CKAP2: variants seen among roughly 807,000 people sequenced by gnomAD.
The protein encoded by CKAP2 is cytoskeleton associated protein 2.
In CKAP2, 46 loss-of-function variants were observed where a neutral mutation model predicts 58.4. The ratio of observed to expected loss-of-function variants is 0.79; its 90% CI spans 0.62 to 1.01. The LOEUF is 1.01. CKAP2 is among the 50% of genes least tolerant of loss of function. The probability of loss-of-function intolerance (pLI) is 0.00; values close to 1 mark genes in which losing one functional copy is unlikely to be tolerated. For synonymous variants in CKAP2, 293 were observed against 280.9 expected, an observed-to-expected ratio of 1.04 and a Z score of -0.43; for missense variants, 809 against 796.4, an observed-to-expected ratio of 1.02 and a Z score of -0.19.
chr13:52,459,318 ATTTTG>A (rs745420947), intron 2 of CKAP2, among the ~76,000 whole-genome samples: 3 of 151,796 alleles, frequency 2.0e-5, no homozygotes, highest in South Asian at 2.1e-4. Flanking sequence ...ATATATATAT[ATTTTG>A]TTTTGTTTTG....
Position 52,475,246 on chromosome 13 carries a change from T to G in CKAP2, c.*105T>G. ...AGGTCTGGAGTTGGCCATGTACCTA[T>G]GTATCCTAAGCATTCACGGCAGTGA... On this transcript the variant is annotated 3_prime_UTR_variant, in exon 9 of 9. Coordinates refer to ENST00000258607, the MANE Select transcript of CKAP2 (RefSeq NM_018204.5). 2 of 1,389,778 alleles carry G rather than the reference T, an allele frequency of 1.4e-6. No individual in the cohort carries two copies. Among genetic ancestry groups the G allele is most frequent in the Non-Finnish European group, 1.9e-6 (2 of 1,026,358 alleles). 86.1% of individuals were successfully genotyped at this position (1,389,778 alleles called of 1,614,324 possible).
chr13:52,459,764 C>G (rs982929121), intron 2 of CKAP2, among the ~76,000 whole-genome samples: 12 of 152,142 alleles, frequency 7.9e-5, no homozygotes, highest in African/African-American at 2.7e-4. Flanking sequence ...AAATCACTTG[C>G]TAAGAGATGC....
At chr13:52,460,534 T>G (rs912772544) in intron 2 of CKAP2, among the ~76,000 whole-genome samples, 1 of 150,478 alleles carries the variant, frequency 6.6e-6, no homozygotes, top group Non-Finnish European at 1.5e-5. Context: ...GAACTCCGCC[T>G]CCCGGGTTCA....
In CKAP2 at chr13:52,462,528, AAAC is replaced by A. The variant is rs754498335; in HGVS notation, c.1271_1273del (p.Asn424del). 2.5e-6 allele frequency: 4 copies of A among 1,614,038 alleles called. No homozygotes were observed. The highest frequency in any genetic ancestry group is 2.2e-5 in the East Asian group (1 of 44,856). ...AACAAAGATTATTTACTGAAAAAGT[AAAC>A]AACACATTTTCTGAATGCCTGAACT... On this transcript the variant is annotated inframe_deletion, in exon 5 of 9. Coordinates refer to ENST00000258607, the MANE Select transcript of CKAP2 (RefSeq NM_018204.5).
chr13:52,466,854 G>T (rs1438322491), intron 6 of CKAP2, among the ~76,000 whole-genome samples: 3 of 152,136 alleles, frequency 2.0e-5, no homozygotes, highest in Admixed American at 6.5e-5. Flanking sequence ...CCAACACGTT[G>T]GGAAGCCGAG....
chr13:52,463,621 G>A (rs182317443), intron 5 of CKAP2, among the ~76,000 whole-genome samples: 4 of 152,286 alleles, frequency 2.6e-5, no homozygotes, highest in Admixed American at 1.3e-4. Context: ...ATGATGTTGT[G>A]TTTAATTAAG....
At chr13:52,465,197 G>A (rs1036099207) in intron 5 of CKAP2, 98 bp from the exon 6 acceptor site, 3 of 1,008,430 alleles carry the variant, frequency 3.0e-6, no homozygotes, top group African/African-American at 1.6e-5. Context: ...TTATGCTTAG[G>A]GCTATCGTTA....
chr13:52,473,669 T>C, intron 7 of CKAP2, 160 bp from the exon 8 acceptor site: 1 of 579,472 alleles, frequency 1.7e-6, no homozygotes. Context: ...ATTTGTTATA[T>C]AGTTGGCAGC....
chr13:52,475,448 AAATAT>A lies in CKAP2; in HGVS notation c.*310_*314del, dbSNP rs1192693774. 4.6e-5 allele frequency: 11 copies of A among 239,286 alleles called. No individual in the cohort carries two copies. In the Admixed American group the frequency reaches 5.6e-4, roughly 12 times the overall value. The allele number at this position is 239,286 out of a possible 1,614,324, so 14.8% of individuals were successfully genotyped here. On this transcript the variant is annotated 3_prime_UTR_variant, in exon 9 of 9. Coordinates refer to ENST00000258607, the MANE Select transcript of CKAP2 (RefSeq NM_018204.5). ...ATAATACTACCCTGTTCACTTTACTAAATATAAGTACAGTAATGATGCATAATTAG... is the reference window on the plus strand; with the variant it reads ...ATAATACTACCCTGTTCACTTTACTAAAGTACAGTAATGATGCATAATTAG...
intron 2 of CKAP2, among the ~76,000 whole-genome samples, chr13:52,457,263 G>C (rs1221418830): frequency 6.6e-6 from 1 of 152,116 alleles, no homozygotes. Context: ...AGCAAAGTAT[G>C]TGCATAGACT....
At chr13:52,457,247 T>C (rs1241022909) in intron 2 of CKAP2, among the ~76,000 whole-genome samples, 2 of 152,126 alleles carry the variant, frequency 1.3e-5, no homozygotes, top group African/African-American at 4.8e-5. Context: ...AAAAAAACAA[T>C]TATAAAGCAA....
rs1958653345 is a variant in CKAP2, at chr13:52,465,462, T to C, written c.1473T>C (p.Ala491=). The change falls in exon 6 of 9, where the codon GCT becomes GCC. Residue 491 remains alanine, a synonymous_variant. Transcript: ENST00000258607. ...ATGAGAAAGCCATTCTGGCAGGGGC[T>C]CAGGTAAGATAAAAATTTACTGATC... ...AIYEKAILAG[A]QPIEEMRHTI... is the part of the protein sequence containing the mutation. 1 of 1,610,926 alleles carries C rather than the reference T, an allele frequency of 6.2e-7. No homozygotes were observed. The highest frequency in any genetic ancestry group is 8.5e-7 in the Non-Finnish European group (1 of 1,178,068).
chr13:52,468,263 A>T lies in CKAP2; in HGVS notation c.1477-15A>T. On this transcript the variant is annotated splice_polypyrimidine_tract_variant and intron_variant, in intron 6 of 8. Transcript: ENST00000258607. ...AAACTTACATGGATCTGCTTTCTTC[A>T]TTAAAAAAATTAAGCCTATTGAAGA... The T allele has an allele frequency of 6.6e-7, 1 of 1,522,120 alleles. No homozygotes were observed. 94.3% of individuals were successfully genotyped at this position (1,522,120 alleles called of 1,614,324 possible). A position where few individuals can be genotyped will look rare whatever the true frequency, so the allele number is the denominator to read the frequency against.
At chr13:52,465,203 C>G (rs933047710) in intron 5 of CKAP2, 92 bp from the exon 6 acceptor site, 1 of 1,083,642 alleles carries the variant, frequency 9.2e-7, no homozygotes, top group Non-Finnish European at 1.3e-6. Flanking sequence ...TTAGGGCTAT[C>G]GTTATCATTG....
At chr13:52,470,955 C>T (rs538691923) in intron 7 of CKAP2, among the ~76,000 whole-genome samples, 4 of 152,110 alleles carry the variant, frequency 2.6e-5, no homozygotes, top group African/African-American at 4.8e-5. Context: ...GTCAAGAGAT[C>T]GAGACCATCC....
At chr13:52,470,145 G>A (rs538635779) in intron 7 of CKAP2, among the ~76,000 whole-genome samples, 54 of 143,662 alleles carry the variant, frequency 3.8e-4, no homozygotes, top group African/African-American at 1.3e-3. Context: ...TTGCTCTGTT[G>A]CCCAGGCTGG....
intron 2 of CKAP2, among the ~76,000 whole-genome samples, chr13:52,456,986 G>C (rs1047977915): frequency 3.9e-5 from 6 of 151,930 alleles, no homozygotes; most frequent in African/African-American, 1.5e-4. Context: ...TCCACCTTCT[G>C]GGTTCAAGTG....
chr13:52,462,976 C>T (rs945035884), intron 5 of CKAP2, among the ~76,000 whole-genome samples: 1 of 152,174 alleles, frequency 6.6e-6, no homozygotes, highest in African/African-American at 2.4e-5. Flanking sequence ...CAGTCACTCT[C>T]ACCCAAGCTG....
Position 52,465,284 on chromosome 13 carries a change from T to G in CKAP2, c.1306-11T>G, listed in dbSNP as rs760350644. 6.3e-7 allele frequency: 1 copy of G among 1,598,726 alleles called. No individual in the cohort carries two copies. The highest frequency in any genetic ancestry group is 1.1e-5 in the South Asian group (1 of 89,110). On this transcript the variant is annotated splice_polypyrimidine_tract_variant and intron_variant, in intron 5 of 8. Coordinates refer to ENST00000258607, the MANE Select transcript of CKAP2 (RefSeq NM_018204.5). ...AAAAAATATTACACACATTTTTTCT[T>G]GCTTTTTTAGGGATGTCCAAAAGAA...
Sources: gnomAD v4.1 joint callset for allele counts (sites outside exome capture counted in the v4.1 genomes callset) on GRCh38, gnomAD v4.1.1 for gene constraint, MANE v1.5 for transcripts, NCBI Gene and HGNC (gene_info 2026-07-23, HGNC 2026-07-21) for gene names.